Variants in DMXL1 observed in about 807,000 individuals in gnomAD.
DMXL1 encodes the protein Dmx like 1, also known as dmX-like protein 1.
Under a neutral mutation model 319.2 loss-of-function variants are expected in DMXL1, and 99 were observed. The observed-to-expected ratio is 0.31, with a 90% CI of 0.26 to 0.37. The LOEUF is 0.37. Among genes scored for constraint, DMXL1 ranks in the 10% least tolerant of loss-of-function variants. The probability of loss-of-function intolerance (pLI) is 1.00; values close to 1 mark genes in which losing one functional copy is unlikely to be tolerated. For synonymous variants in DMXL1, 1,385 were observed against 1,235.2 expected, an observed-to-expected ratio of 1.12 and a Z score of -2.54; for missense variants, 3,745 against 3,595.6, an observed-to-expected ratio of 1.04 and a Z score of -1.06.
chr5:119,120,195 G>A (rs1028619263), intron 8 of DMXL1, among the ~76,000 whole-genome samples: 5 of 152,150 alleles, frequency 3.3e-5, no homozygotes, highest in Admixed American at 2.0e-4. Context: ...CACCATGCCC[G>A]GCCCTGAAAA....
At chr5:119,227,106 A>G (rs1219963396) in intron 38 of DMXL1, among the ~76,000 whole-genome samples, 3 of 152,172 alleles carry the variant, frequency 2.0e-5, no homozygotes, top group Non-Finnish European at 2.9e-5. Context: ...CATCTAAGAC[A>G]CTGCATTAGC....
At chr5:119,129,857 A>C (rs1178536092) in intron 10 of DMXL1, among the ~76,000 whole-genome samples, 1 of 152,346 alleles carries the variant, frequency 6.6e-6, no homozygotes, top group East Asian at 1.9e-4. Flanking sequence ...TTTGGCCTTC[A>C]GTTGGTATAG....
Position 119,231,029 on chromosome 5 carries a change from C to A in DMXL1, c.8339-2311C>A, listed in dbSNP as rs138872824. Among the ~76,000 whole-genome samples the A allele has an allele frequency of 5.4e-3, 819 of 152,260 alleles. 10 individuals are homozygous for A. Among genetic ancestry groups the A allele is most frequent in the African/African-American group, 0.019 (774 of 41,562 alleles). On this transcript the variant is annotated intron_variant, in intron 38 of 43. Transcript: ENST00000539542. ...TTCTCATTTGTCTTTTGTAAAGACT[C>A]TTTTAGAGAGACAATTTACAGTTCA...
chr5:119,133,050 G>A, intron 10 of DMXL1, 82 bp from the exon 11 acceptor site: 1 of 1,492,322 alleles, frequency 6.7e-7, no homozygotes. Flanking sequence ...CATGTGTTCA[G>A]CTATCCAGAA....
At chr5:119,129,123 A>G (rs1023029044) in intron 9 of DMXL1, 88 bp from the exon 10 acceptor site, 1 of 785,156 alleles carries the variant, frequency 1.3e-6, no homozygotes, top group Non-Finnish European at 2.0e-6. Flanking sequence ...AACAAAATAT[A>G]AATGTAATAG....
chr5:119,139,576 C>G (rs1315258987), intron 13 of DMXL1, among the ~76,000 whole-genome samples: 2 of 152,152 alleles, frequency 1.3e-5, no homozygotes, highest in African/African-American at 2.4e-5. Flanking sequence ...GAAGACCTAA[C>G]TATGGTAAAT....
rs200423317 is a variant in DMXL1 at position 119,164,698 on chromosome 5, A to C, written c.4872+22A>C. ...AAAAGTAAGTGTTTTATTTTGGTGTATAAGTGAATTAATATTTTTTGGACG... is the reference window on the plus strand; with the variant it reads ...AAAAGTAAGTGTTTTATTTTGGTGTCTAAGTGAATTAATATTTTTTGGACG... On this transcript the variant is annotated intron_variant, in intron 20 of 43. Coordinates refer to ENST00000539542, the MANE Select transcript of DMXL1 (RefSeq NM_001290321.3). 1.7e-4 allele frequency: 258 copies of C among 1,561,398 alleles called. 1 individual carries two copies. In the African/African-American group the frequency reaches 3.3e-3, roughly 20 times the overall value.
rs201079674 is a variant in DMXL1, at chr5:119,198,095, TC to T, written c.7745+140del. ...CCTCTGCCTCCTGGGTTCAAGTGAT[TC>T]TCCTGCCTCAGTCTCCTGAGTAGCT... On this transcript the variant is annotated intron_variant, in intron 32 of 43. Transcript: ENST00000539542. The T allele has an allele frequency of 1.5e-3, 1,132 of 752,494 alleles. 9 individuals carry two copies. In the African/African-American group the frequency reaches 0.017, roughly 11 times the overall value. 46.6% of individuals were successfully genotyped at this position (752,494 alleles called of 1,614,324 possible). A position where few individuals can be genotyped will look rare whatever the true frequency, so the allele number is the denominator to read the frequency against.
intron 26 of DMXL1, among the ~76,000 whole-genome samples, chr5:119,176,633 C>T (rs931949407): frequency 4.6e-5 from 7 of 151,960 alleles, no homozygotes; most frequent in African/African-American, 1.7e-4. Context: ...CCAATCATAA[C>T]ACATTTACAC....
rs7445077 is a variant in DMXL1, at chr5:119,197,504, G to T, written c.7544-251G>T. Among the ~76,000 whole-genome samples, 147,336 of 152,320 alleles carry T rather than the reference G, an allele frequency of 0.97. 71,294 individuals are homozygous for T. Among genetic ancestry groups the T allele is most frequent in the East Asian group, 1 (5,189 of 5,190 alleles). On this transcript the variant is annotated intron_variant, in intron 31 of 43. Transcript: ENST00000539542. ...TCATAATCTTCAGATACATTTTTCTGGTAATATTAAGGTCAAAAGCAGTAA... is the reference window on the plus strand; with the variant it reads ...TCATAATCTTCAGATACATTTTTCTTGTAATATTAAGGTCAAAAGCAGTAA...
intron 28 of DMXL1, among the ~76,000 whole-genome samples, chr5:119,181,795 G>C (rs181852379): frequency 6.6e-6 from 1 of 152,242 alleles, no homozygotes; most frequent in East Asian, 1.9e-4. Context: ...CTGGGCGACA[G>C]AGCGAGACTC....
chr5:119,188,316 C>G (rs1217122618), intron 28 of DMXL1, among the ~76,000 whole-genome samples: 1 of 152,030 alleles, frequency 6.6e-6, no homozygotes, highest in Non-Finnish European at 1.5e-5. Context: ...AGCCTGTAGT[C>G]CCAGCTACTC....
intron 28 of DMXL1, among the ~76,000 whole-genome samples, chr5:119,182,262 A>T (rs373606251): frequency 6.6e-6 from 1 of 152,208 alleles, no homozygotes; most frequent in Non-Finnish European, 1.5e-5. Context: ...TTATCTTTTA[A>T]ATTTGGCCAG....
chr5:119,208,759 C>T lies in DMXL1; in HGVS notation c.7926+1863C>T, dbSNP rs74359707. ...ATATATTTAAAGTGTACAACTTGTT[C>T]AATTTTGGCATGTATATACACTAGC... On this transcript the variant is annotated intron_variant, in intron 34 of 43. Transcript: ENST00000539542. 2.8e-3 allele frequency among the ~76,000 whole-genome samples: 429 copies of T among 152,154 alleles called. 1 individual carries two copies. The highest frequency in any genetic ancestry group is 9.9e-3 in the African/African-American group (413 of 41,528).
intron 33 of DMXL1, among the ~76,000 whole-genome samples, chr5:119,205,801 T>A (rs1181466600): frequency 6.6e-6 from 1 of 152,084 alleles, no homozygotes; most frequent in African/African-American, 2.4e-5. Context: ...ACCGGAAAGG[T>A]TACTAGCCTA....
chr5:119,220,192 C>G (rs1025827759), intron 35 of DMXL1, among the ~76,000 whole-genome samples: 2 of 152,142 alleles, frequency 1.3e-5, no homozygotes, highest in East Asian at 3.8e-4. Context: ...TTAGAGCGAT[C>G]ATAGCATTCT....
chr5:119,239,120 A>G (rs1788287169), intron 41 of DMXL1, 40 bp downstream of exon 41: 1 of 1,602,506 alleles, frequency 6.2e-7, no homozygotes, highest in Non-Finnish European at 8.5e-7. Context: ...GAGAAAGTAT[A>G]GCTGAACTTT....
chr5:119,209,389 C>T (rs1782341229), intron 34 of DMXL1, among the ~76,000 whole-genome samples: 1 of 148,308 alleles, frequency 6.7e-6, no homozygotes, highest in East Asian at 2.0e-4. Context: ...CTCACTGTGT[C>T]TCCCAGGCTG....
chr5:119,171,191 C>G lies in DMXL1; in HGVS notation c.6400C>G (p.Leu2134Val). 1.2e-6 allele frequency: 2 copies of G among 1,613,928 alleles called. No individual in the cohort carries two copies. The highest frequency in any genetic ancestry group is 1.1e-5 in the South Asian group (1 of 91,056). The stretch of plus-strand genomic sequence containing the variant: ...GTATCAGTCACTTTTGAGAATGTTT[C>G]TTAGTTACTGCATACTTCATGGATC... ...LKYQSLLRMF[L>V]SYCILHGSHG... Residue 2134 changes from leucine to valine, a missense_variant, in exon 24 of 44, where the codon CTT (leucine) becomes GTT (valine). Transcript: ENST00000539542.
Sources: gnomAD v4.1 joint callset for allele counts (sites outside exome capture counted in the v4.1 genomes callset) on GRCh38, gnomAD v4.1.1 for gene constraint, MANE v1.5 for transcripts, NCBI Gene and HGNC (gene_info 2026-07-23, HGNC 2026-07-21) for gene names.